ANKS1B: variants seen among roughly 807,000 people sequenced by gnomAD.
ANKS1B encodes ankyrin repeat and sterile alpha motif domain containing 1B.
Under a neutral mutation model 148.3 loss-of-function variants are expected in ANKS1B, and 36 were observed. The ratio of observed to expected loss-of-function variants is 0.24; its 90% confidence interval spans 0.19 to 0.32. ANKS1B has a LOEUF of 0.32. Among genes scored for constraint, ANKS1B ranks in the 10% least tolerant of loss-of-function variants. The probability of loss-of-function intolerance (pLI) is 1.00; values close to 1 mark genes in which losing one functional copy is unlikely to be tolerated. For missense variants in ANKS1B, 1,157 were observed against 1,542.6 expected (o/e 0.75, Z 4.19); for synonymous variants, 542 against 560.8 (o/e 0.97, Z 0.47).
At chr12:99,460,357 A>G (rs1281077124) in intron 10 of ANKS1B, among the ~76,000 whole-genome samples, 1 of 152,182 alleles carries the variant, frequency 6.6e-6, no homozygotes, top group Non-Finnish European at 1.5e-5. Context: ...TGGCTTAAGC[A>G]AAGACTTCAT....
chr12:99,240,646 A>G (rs2089112162), intron 14 of ANKS1B, among the ~76,000 whole-genome samples: 1 of 152,188 alleles, frequency 6.6e-6, no homozygotes, highest in Non-Finnish European at 1.5e-5. Context: ...CATAGTTAGA[A>G]GTAAAACACT....
chr12:99,877,191 G>A (rs1302695463), intron 1 of ANKS1B, among the ~76,000 whole-genome samples: 1 of 151,988 alleles, frequency 6.6e-6, no homozygotes, highest in Admixed American at 6.6e-5. Flanking sequence ...GCTGATTAAG[G>A]TATTATACTC....
chr12:99,468,649 CAAAA>C (rs1219215619), intron 10 of ANKS1B, among the ~76,000 whole-genome samples: 1 of 152,168 alleles, frequency 6.6e-6, no homozygotes, highest in African/African-American at 2.4e-5. Context: ...AGACACTTCT[CAAAA>C]GAACACATTT....
intron 17 of ANKS1B, among the ~76,000 whole-genome samples, chr12:98,919,637 T>C (rs1173268814): frequency 6.6e-6 from 1 of 152,170 alleles, no homozygotes; most frequent in Admixed American, 6.6e-5. Context: ...AACTATCTAA[T>C]TAGATTTCTT....
chr12:98,841,212 T>C (rs768841886), intron 17 of ANKS1B, among the ~76,000 whole-genome samples: 24 of 152,190 alleles, frequency 1.6e-4, no homozygotes, highest in Non-Finnish European at 1.5e-4. Context: ...TAAAGGAAAT[T>C]ATGGTTACCG....
intron 4 of ANKS1B, among the ~76,000 whole-genome samples, chr12:99,787,634 CAG>C (rs1158805770): frequency 6.6e-6 from 1 of 152,210 alleles, no homozygotes; most frequent in Non-Finnish European, 1.5e-5. Context: ...TATCTGCACA[CAG>C]AAGAGCATTG....
intron 1 of ANKS1B, among the ~76,000 whole-genome samples, chr12:99,904,400 C>T (rs1027133127): frequency 1.3e-5 from 2 of 152,020 alleles, no homozygotes; most frequent in African/African-American, 2.4e-5. Flanking sequence ...CCATGTTGGC[C>T]ATGCTGGTCT....
intron 12 of ANKS1B, among the ~76,000 whole-genome samples, chr12:99,293,151 C>T (rs918004726): frequency 3.3e-5 from 5 of 152,146 alleles, no homozygotes; most frequent in Non-Finnish European, 5.9e-5. Context: ...CACATATACA[C>T]CATGGAATAC....
At position 99,250,104 on chromosome 12, in the gene ANKS1B, A is replaced by AAGAGCCTTTACT. The variant is rs536817735; in HGVS notation, c.1757-3252_1757-3241dup. Among the ~76,000 whole-genome samples, 13 of 152,330 alleles carry AAGAGCCTTTACT rather than the reference A, an allele frequency of 8.5e-5. No individual in the cohort carries two copies. In the East Asian group the frequency reaches 2.5e-3, roughly 29 times the overall value. On this transcript the variant is annotated intron_variant, in intron 12 of 26. Transcript: ENST00000683438. ...GACAAAGTGAGGGGAGATTGTGGGC[A>AAGAGCCTTTACT]AGAGCCTTTACTATGGTTTCCATGA...
chr12:98,869,422 C>T (rs1207432132), intron 17 of ANKS1B, among the ~76,000 whole-genome samples: 1 of 152,066 alleles, frequency 6.6e-6, no homozygotes, highest in Non-Finnish European at 1.5e-5. Context: ...TGAGTCCGGA[C>T]AAGACTTGTG....
intron 9 of ANKS1B, among the ~76,000 whole-genome samples, chr12:99,557,958 TCTAA>T (rs2097294332): frequency 6.6e-6 from 1 of 152,198 alleles, no homozygotes; most frequent in Non-Finnish European, 1.5e-5. Context: ...GGCTGTGTGC[TCTAA>T]CTCTTATGGG....
At chr12:98,749,208 C>A (rs1179314075) in intron 26 of ANKS1B, among the ~76,000 whole-genome samples, 1 of 152,138 alleles carries the variant, frequency 6.6e-6, no homozygotes, top group East Asian at 1.9e-4. Context: ...AAGCCATTCT[C>A]CTGCCTCAGC....
chr12:99,426,004 T>C (rs575271669), intron 11 of ANKS1B, among the ~76,000 whole-genome samples: 3 of 152,328 alleles, frequency 2.0e-5, no homozygotes, highest in African/African-American at 7.2e-5. Context: ...GTTCGAAATA[T>C]TGACAGTGTG....
intron 15 of ANKS1B, among the ~76,000 whole-genome samples, chr12:99,113,123 T>C (rs1287811357): frequency 1.3e-5 from 2 of 152,262 alleles, no homozygotes; most frequent in South Asian, 2.1e-4. Flanking sequence ...GTTTTAGAAC[T>C]GGATAAGCCT....
intron 1 of ANKS1B, among the ~76,000 whole-genome samples, chr12:99,923,051 T>C (rs1358416780): frequency 6.6e-6 from 1 of 152,162 alleles, no homozygotes; most frequent in Non-Finnish European, 1.5e-5. Flanking sequence ...CAAAGTGCAT[T>C]ACAGGCAAAA....
At chr12:98,938,769 T>G (rs1003985437) in intron 17 of ANKS1B, among the ~76,000 whole-genome samples, 1 of 152,168 alleles carries the variant, frequency 6.6e-6, no homozygotes. Context: ...CCAGAACAGT[T>G]TCTTGGAAGG....
intron 1 of ANKS1B, among the ~76,000 whole-genome samples, chr12:99,844,121 G>A (rs141523384): frequency 6.6e-5 from 10 of 152,126 alleles, no homozygotes; most frequent in African/African-American, 2.4e-4. Context: ...TTTGTTTTAA[G>A]TTCCTTTTAG....
At chr12:99,061,130 G>A (rs899552667) in intron 16 of ANKS1B, among the ~76,000 whole-genome samples, 41 of 152,144 alleles carry the variant, frequency 2.7e-4, no homozygotes, top group African/African-American at 8.9e-4. Flanking sequence ...CATGCCTGCC[G>A]GACTAGAGAC....
chr12:99,489,171 G>A (rs973729555), intron 10 of ANKS1B, among the ~76,000 whole-genome samples: 3 of 151,408 alleles, frequency 2.0e-5, no homozygotes, highest in African/African-American at 7.3e-5. Flanking sequence ...GAACCCGGGA[G>A]GCGGAGGTGG....
Sources: gnomAD v4.1 joint callset for allele counts (sites outside exome capture counted in the v4.1 genomes callset) on GRCh38, gnomAD v4.1.1 for gene constraint, MANE v1.5 for transcripts, NCBI Gene and HGNC (gene_info 2026-07-23, HGNC 2026-07-21) for gene names.